Variants in UMOD observed in about 807,000 individuals in gnomAD.
The protein encoded by UMOD is Tamm-Horsfall urinary glycoprotein.
A neutral mutation model predicts 66.0 loss-of-function variants in UMOD; 64 were observed. The ratio of observed to expected loss-of-function variants is 0.97; its 90% confidence interval spans 0.79 to 1.19. UMOD has a LOEUF of 1.19. Among genes scored for constraint, UMOD ranks in the 50% most tolerant of loss-of-function variants. The pLI is 0.00. For missense variants in UMOD, 764 were observed against 850.9 expected, an observed-to-expected ratio of 0.90 and a Z score of 1.27; for synonymous variants, 398 against 352.7, an observed-to-expected ratio of 1.13 and a Z score of -1.44.
chr16:20,349,620 C>A, intron 2 of UMOD: 1 of 1,414,448 alleles, frequency 7.1e-7, no homozygotes, highest in Non-Finnish European at 9.3e-7. Flanking sequence ...CCAGCTCCAC[C>A]ATTCATTTTT....
In UMOD at chr16:20,346,258, C is replaced by T; in HGVS notation, c.1050G>A (p.Lys350=). The T allele has an allele frequency of 6.2e-7, 1 of 1,614,276 alleles. No individual in the cohort carries two copies. The highest frequency in any genetic ancestry group is 2.2e-5 in the East Asian group (1 of 44,888). ...TGAAGACCTTGTCGAAGCCCAGACT[C>T]TTCAGCTGGCACTTGCCCAGCGACA... is the stretch of plus-strand genomic sequence containing the variant. ...MKVSLGKCQL[K]SLGFDKVFMY... The change falls in exon 5 of 11, where the codon AAG becomes AAA. Residue 350 remains lysine, a synonymous_variant. Transcript: ENST00000396138.
chr16:20,349,968 T>A, intron 2 of UMOD: 1 of 1,316,938 alleles, frequency 7.6e-7, no homozygotes. Context: ...TCACTCACTA[T>A]CTTGTTGAAT....
intron 5 of UMOD, among the ~76,000 whole-genome samples, chr16:20,344,840 C>G (rs1334713380): frequency 6.6e-6 from 1 of 152,128 alleles, no homozygotes; most frequent in Non-Finnish European, 1.5e-5. Context: ...GACAAGAAGA[C>G]AGAGATTCAT....
At chr16:20,346,095 C>T in intron 5 of UMOD, 31 bp downstream of exon 5, 1 of 1,604,404 alleles carries the variant, frequency 6.2e-7, no homozygotes. Flanking sequence ...AGGCAGTGCT[C>T]TGGTTCTGTC....
Position 20,348,930 on chromosome 16 carries a change from G to T in UMOD, c.371C>A (p.Ala124Asp). 1 of 1,570,094 alleles carries T rather than the reference G, an allele frequency of 6.4e-7. No individual in the cohort carries two copies. The highest frequency in any genetic ancestry group is 8.6e-7 in the Non-Finnish European group (1 of 1,157,820). Residue 124 changes from alanine (A) to aspartate (D), a missense_variant, in exon 3 of 11, where the codon GCC (alanine) becomes GAC (aspartate). Coordinates refer to ENST00000396138, the MANE Select transcript of UMOD (RefSeq NM_003361.4). The part of the protein sequence containing the change: ...EPGLSHCHAL[A>D]TCVNVVGSYL... The stretch of plus-strand genomic sequence containing the variant: ...GCTGCCCACCACATTGACACATGTG[G>T]CCAGGGCGTGGCAGTGGCTAAGCCC...
chr16:20,341,309 G>T lies in UMOD; in HGVS notation c.1359C>A (p.Thr453=), dbSNP rs144461487. ...VSALNIRVGG[T]GMFTVRMALF... ...GCGCCATCCGCACGGTGAACATGCC[G>T]GTCCCGCCCACTCTGATGTTTAGAG... Residue 453 remains threonine, a synonymous_variant, in exon 7 of 11, where the codon ACC becomes ACA. Coordinates refer to ENST00000396138, the MANE Select transcript of UMOD (RefSeq NM_003361.4). The T allele has an allele frequency of 2.5e-6, 4 of 1,613,926 alleles. No individual in the cohort carries two copies. Among genetic ancestry groups the T allele is most frequent in the Non-Finnish European group, 3.4e-6 (4 of 1,180,010 alleles).
At chr16:20,341,793 C>T (rs969465279) in intron 6 of UMOD, among the ~76,000 whole-genome samples, 18 of 152,192 alleles carry the variant, frequency 1.2e-4, no homozygotes, top group African/African-American at 4.1e-4. Context: ...TATGATGAGG[C>T]CTACAACTTG....
chr16:20,342,363 A>C (rs1965272525), intron 6 of UMOD: 1 of 152,418 alleles, frequency 6.6e-6, no homozygotes, highest in African/African-American at 2.4e-5. Context: ...TAACAAAACA[A>C]AACCATAAAA....
intron 9 of UMOD, 92 bp downstream of exon 9, chr16:20,336,554 G>T: frequency 8.0e-7 from 1 of 1,242,924 alleles, no homozygotes; most frequent in Non-Finnish European, 1.2e-6. Flanking sequence ...TCAGAGCTCA[G>T]TAAGGTGCCA....
intron 9 of UMOD, 92 bp from the exon 10 acceptor site, chr16:20,335,612 C>A: frequency 7.7e-7 from 1 of 1,294,552 alleles, no homozygotes; most frequent in Non-Finnish European, 1.1e-6. Context: ...CTTTTCACTT[C>A]GCAGCCAGAC....
At chr16:20,346,462 T>A in intron 4 of UMOD, 128 bp from the exon 5 acceptor site, 2 of 888,684 alleles carry the variant, frequency 2.3e-6, no homozygotes, top group Admixed American at 1.9e-5. Context: ...CTTGAGCTGA[T>A]CTGTCCCCTC....
At position 20,333,098 on chromosome 16, in the gene UMOD, G is replaced by T; in HGVS notation, c.*216C>A. ...TGCCACACTCTTTAAGGAGATGGGG[G>T]CCTCAGGTACACCGTCACAAGTCCC... On this transcript the variant is annotated 3_prime_UTR_variant, in exon 11 of 11. Coordinates refer to ENST00000396138, the MANE Select transcript of UMOD (RefSeq NM_003361.4). 1 of 585,168 alleles carries T rather than the reference G, an allele frequency of 1.7e-6. No homozygotes were observed. Among genetic ancestry groups the T allele is most frequent in the Non-Finnish European group, 3.1e-6 (1 of 318,536 alleles). The allele number at this position is 585,168 out of a possible 1,614,324, so 36.2% of individuals were successfully genotyped here.
At position 20,349,082 on chromosome 16, in the gene UMOD, T is replaced by G. The variant is rs373920954; in HGVS notation, c.219A>C (p.Gly73=). Residue 73 remains glycine (G), a synonymous_variant, in exon 3 of 11, where the codon GGA becomes GGC. Transcript: ENST00000396138. ...TGCTGTTGGCGGAGCAGTTGTGAGC[T>G]CCAGGAATGGCGCACTCATCCAGGT... is the stretch of plus-strand genomic sequence containing the variant. ...CVDLDECAIP[G]AHNCSANSSC... 1.2e-6 allele frequency: 2 copies of G among 1,612,622 alleles called. No homozygotes were observed. The highest frequency in any genetic ancestry group is 2.7e-5 in the African/African-American group (2 of 74,882).
chr16:20,339,056 C>A (rs1042018550), intron 7 of UMOD, among the ~76,000 whole-genome samples: 1 of 152,174 alleles, frequency 6.6e-6, no homozygotes, highest in Non-Finnish European at 1.5e-5. Context: ...CCATCGTGCC[C>A]GTTATACTCA....
Position 20,348,929 on chromosome 16 carries a change from G to T in UMOD, c.372C>A (p.Ala124=). ...AGCTGCCCACCACATTGACACATGTGGCCAGGGCGTGGCAGTGGCTAAGCC... is the reference window on the plus strand; with the variant it reads ...AGCTGCCCACCACATTGACACATGTTGCCAGGGCGTGGCAGTGGCTAAGCC... ...EPGLSHCHAL[A]TCVNVVGSYL... Residue 124 remains alanine, a synonymous_variant, in exon 3 of 11, where the codon GCC becomes GCA. Coordinates refer to ENST00000396138, the MANE Select transcript of UMOD (RefSeq NM_003361.4). 11 of 1,570,018 alleles carry T rather than the reference G, an allele frequency of 7.0e-6. No individual in the cohort carries two copies. The highest frequency in any genetic ancestry group is 9.5e-6 in the Non-Finnish European group (11 of 1,157,728).
upstream of UMOD, chr16:20,352,739 T>C (rs1476278108): frequency 1.9e-5 from 23 of 1,231,560 alleles, no homozygotes; most frequent in East Asian, 6.3e-5. Flanking sequence ...CTCATACTTA[T>C]ATATACACAT....
upstream of UMOD, among the ~76,000 whole-genome samples, chr16:20,353,490 A>G (rs754341085): frequency 1.3e-5 from 2 of 152,218 alleles, no homozygotes; most frequent in African/African-American, 2.4e-5. Context: ...CATCTCCCAC[A>G]GTAGTAATAG....
chr16:20,343,874 C>T, intron 6 of UMOD, 150 bp downstream of exon 6: 1 of 894,976 alleles, frequency 1.1e-6, no homozygotes, highest in Non-Finnish European at 1.7e-6. Context: ...TGAACCTGGG[C>T]TCCAGAATTC....
At position 20,348,513 on chromosome 16, in the gene UMOD, T is replaced by C; in HGVS notation, c.788A>G (p.Gln263Arg). The C allele has an allele frequency of 6.2e-7, 1 of 1,608,158 alleles. No individual in the cohort carries two copies. The highest frequency in any genetic ancestry group is 2.2e-5 in the East Asian group (1 of 44,828). The change falls in exon 3 of 11, where the codon CAG becomes CGG. Residue 263 changes from glutamine to arginine, a missense_variant. By Grantham distance (43) the Gln-to-Arg change is conservative (BLOSUM62 1). Coordinates refer to ENST00000396138, the MANE Select transcript of UMOD (RefSeq NM_003361.4). The stretch of plus-strand genomic sequence containing the variant: ...GTAGCCGCCGGCACAGGCCTTCACC[T>C]GGACGGACGCATCCCACAGGCAGCA... ...GHCCLWDASV[Q>R]VKACAGGYYV... is the part of the protein sequence containing the mutation.
Sources: gnomAD v4.1 joint callset for allele counts (sites outside exome capture counted in the v4.1 genomes callset) on GRCh38, gnomAD v4.1.1 for gene constraint, MANE v1.5 for transcripts, NCBI Gene and HGNC (gene_info 2026-07-23, HGNC 2026-07-21) for gene names.